Variants in ST8SIA5 observed in about 807,000 individuals in gnomAD.
The protein encoded by ST8SIA5 is alpha-2,8-sialyltransferase 8E.
In ST8SIA5, 24 loss-of-function variants were observed where a neutral mutation model predicts 40.2. That is an observed-to-expected ratio of 0.60 (90% CI 0.43 to 0.84). The LOEUF (loss-of-function observed/expected upper bound fraction) is 0.84. Among genes scored for constraint, ST8SIA5 ranks in the 40% least tolerant of loss-of-function variants. ST8SIA5 has a pLI of 0.00. For missense variants in ST8SIA5, 465 were observed against 498.5 expected, an observed-to-expected ratio of 0.93 and a Z score of 0.64; for synonymous variants, 198 against 201.8, an observed-to-expected ratio of 0.98 and a Z score of 0.16.
rs1411355674 is a variant in ST8SIA5, at chr18:46,678,311, C to CA, written c.*1730dup. ...GGCACAGGTTCCACAACAACCCCCC[C>CA]ACAGGAAGCCCAAGCCAAGACACAA... On this transcript the variant is annotated 3_prime_UTR_variant, in exon 7 of 7. Coordinates refer to ENST00000315087, the MANE Select transcript of ST8SIA5 (RefSeq NM_013305.6). 1.3e-5 allele frequency: 2 copies of CA among 152,760 alleles called. No homozygotes were observed. Among genetic ancestry groups the CA allele is most frequent in the African/African-American group, 4.8e-5 (2 of 41,458 alleles). The allele number at this position is 152,760 out of a possible 1,614,324, so 9.5% of individuals were successfully genotyped here. A position where few individuals can be genotyped will look rare whatever the true frequency, so the allele number is the denominator to read the frequency against.
At chr18:46,701,127 G>T (rs2039609936) in intron 2 of ST8SIA5, among the ~76,000 whole-genome samples, 1 of 132,422 alleles carries the variant, frequency 7.6e-6, no homozygotes, top group Non-Finnish European at 1.6e-5. Flanking sequence ...TTGGAGATAG[G>T]GCCTTTTTTT....
At chr18:46,737,383 G>A (rs2040045355) in intron 1 of ST8SIA5, among the ~76,000 whole-genome samples, 1 of 152,186 alleles carries the variant, frequency 6.6e-6, no homozygotes, top group Non-Finnish European at 1.5e-5. Flanking sequence ...TAAGTGTTCT[G>A]TAAGTTTCTT....
At chr18:46,748,020 A>G (rs902402915) in intron 1 of ST8SIA5, among the ~76,000 whole-genome samples, 1 of 151,616 alleles carries the variant, frequency 6.6e-6, no homozygotes, top group Non-Finnish European at 1.5e-5. Context: ...GAACTGAACA[A>G]TGAGAACACT....
intron 1 of ST8SIA5, among the ~76,000 whole-genome samples, chr18:46,755,125 T>C (rs560414767): frequency 3.9e-5 from 6 of 152,132 alleles, no homozygotes; most frequent in Non-Finnish European, 8.8e-5. Flanking sequence ...CAGAACAAGG[T>C]GCCTCATTAC....
At chr18:46,700,732 G>T (rs892722400) in intron 2 of ST8SIA5, among the ~76,000 whole-genome samples, 3 of 152,194 alleles carry the variant, frequency 2.0e-5, no homozygotes, top group Non-Finnish European at 4.4e-5. Context: ...CACCCTAGGA[G>T]CCCAGCCCCT....
At position 46,679,716 on chromosome 18, in the gene ST8SIA5, T is replaced by TTGGGTGGAAATG. The variant is rs2039367063; in HGVS notation, c.*314_*325dup. ...TTGTGCTCTCTCTCGGATGACAAAA[T>TTGGGTGGAAATG]TGGGTGGAAATGTGCTTTATTCACT... On this transcript the variant is annotated 3_prime_UTR_variant, in exon 7 of 7. Coordinates refer to ENST00000315087, the MANE Select transcript of ST8SIA5 (RefSeq NM_013305.6). 1 of 347,386 alleles carries TTGGGTGGAAATG rather than the reference T, an allele frequency of 2.9e-6. No individual in the cohort carries two copies. The highest frequency in any genetic ancestry group is 4.6e-5 in the Admixed American group (1 of 21,810). 21.5% of individuals were successfully genotyped at this position (347,386 alleles called of 1,614,324 possible). A position where few individuals can be genotyped will look rare whatever the true frequency, so the allele number is the denominator to read the frequency against.
At chr18:46,716,086 G>GGATAGATA (rs61514320) in intron 1 of ST8SIA5, among the ~76,000 whole-genome samples, 25,035 of 139,490 alleles carry the variant, frequency 0.18, 2,529 homozygotes, top group Non-Finnish European at 0.21. Flanking sequence ...GAGTCACACA[G>GGATAGATA]GATAGATAGA....
chr18:46,756,505 G>C lies in ST8SIA5; in HGVS notation c.4C>G (p.Arg2Gly), dbSNP rs1424751814. M[R>G]YADPSANRDL... ...CGGTTGGCCGAGGGGTCCGCGTAGC[G>C]CATCCTGGCTACCGGGCGCCGCGGG... Residue 2 changes from arginine (R) to glycine (G), a missense_variant, in exon 1 of 7, where the codon CGC (arginine) becomes GGC (glycine). Transcript: ENST00000315087. The C allele has an allele frequency of 6.2e-7, 1 of 1,612,158 alleles. No homozygotes were observed. Among genetic ancestry groups the C allele is most frequent in the African/African-American group, 1.3e-5 (1 of 74,730 alleles).
Position 46,710,409 on chromosome 18 carries a change from T to TCTTTTTCTTTCTCTC in ST8SIA5, c.132-5746_132-5745insGAGAGAAAGAAAAAG, listed in dbSNP as rs1568263123. Among the ~76,000 whole-genome samples, 20 of 120,642 alleles carry TCTTTTTCTTTCTCTC rather than the reference T, an allele frequency of 1.7e-4. No homozygotes were observed. The South Asian group carries it at 2.9e-3, about 17-fold the overall frequency. The allele number at this position is 120,642 out of a possible 152,430, so 79.1% of individuals were successfully genotyped here. ...TTTCTTTCTTTCTTTCTTTCTTTCT[T>TCTTTTTCTTTCTCTC]TCTTTCTTTTTCTTTCTCTCTCTTT... On this transcript the variant is annotated intron_variant, in intron 1 of 6. Transcript: ENST00000315087.
At chr18:46,750,165 G>A (rs1023017929) in intron 1 of ST8SIA5, among the ~76,000 whole-genome samples, 2 of 152,232 alleles carry the variant, frequency 1.3e-5, no homozygotes, top group South Asian at 2.1e-4. Flanking sequence ...TGAAAGACAC[G>A]GGAAGACATT....
intron 1 of ST8SIA5, among the ~76,000 whole-genome samples, chr18:46,731,117 C>T (rs567647564): frequency 2.8e-4 from 42 of 152,330 alleles, no homozygotes; most frequent in African/African-American, 8.2e-4. Context: ...ATGCAGGTAG[C>T]GGGCTGTAGC....
chr18:46,720,656 C>A (rs1264990900), intron 1 of ST8SIA5, among the ~76,000 whole-genome samples: 1 of 152,066 alleles, frequency 6.6e-6, no homozygotes, highest in Admixed American at 6.5e-5. Flanking sequence ...ATTAAGAAAC[C>A]AAACAGCTTA....
chr18:46,743,671 C>T (rs907495560), intron 1 of ST8SIA5, among the ~76,000 whole-genome samples: 4 of 152,130 alleles, frequency 2.6e-5, no homozygotes, highest in Non-Finnish European at 2.9e-5. Flanking sequence ...ACTTCCCCAA[C>T]CTAGCAAGGC....
At chr18:46,733,893 G>C (rs937935239) in intron 1 of ST8SIA5, among the ~76,000 whole-genome samples, 1 of 152,144 alleles carries the variant, frequency 6.6e-6, no homozygotes, top group African/African-American at 2.4e-5. Context: ...AAAGCCATGT[G>C]AGAGGAAGGT....
chr18:46,689,032 C>G, intron 3 of ST8SIA5, 113 bp from the exon 4 acceptor site: 1 of 1,308,998 alleles, frequency 7.6e-7, no homozygotes, highest in Non-Finnish European at 1.0e-6. Context: ...TCCTGCTCAC[C>G]TATCCCACGC....
chr18:46,732,771 C>T (rs1484850719), intron 1 of ST8SIA5, among the ~76,000 whole-genome samples: 1 of 152,098 alleles, frequency 6.6e-6, no homozygotes, highest in Non-Finnish European at 1.5e-5. Context: ...TTCTTATCTT[C>T]AACCCAGGGC....
chr18:46,746,014 C>T (rs2040136126), intron 1 of ST8SIA5, among the ~76,000 whole-genome samples: 1 of 152,214 alleles, frequency 6.6e-6, no homozygotes, highest in South Asian at 2.1e-4. Context: ...CAAAATTCAA[C>T]AGCTCTTCAT....
chr18:46,717,267 C>T (rs991552978), intron 1 of ST8SIA5, among the ~76,000 whole-genome samples: 3 of 152,146 alleles, frequency 2.0e-5, no homozygotes, highest in Non-Finnish European at 2.9e-5. Flanking sequence ...GGGCCATGCT[C>T]GGTGAGGGGT....
At chr18:46,702,582 G>A (rs2039629433) in intron 2 of ST8SIA5, among the ~76,000 whole-genome samples, 1 of 152,194 alleles carries the variant, frequency 6.6e-6, no homozygotes, top group African/African-American at 2.4e-5. Flanking sequence ...TCCTGGCATA[G>A]GGCCTTTGTA....
Sources: gnomAD v4.1 joint callset for allele counts (sites outside exome capture counted in the v4.1 genomes callset) on GRCh38, gnomAD v4.1.1 for gene constraint, MANE v1.5 for transcripts, NCBI Gene and HGNC (gene_info 2026-07-23, HGNC 2026-07-21) for gene names.